The following HIF3A variants were observed in gnomAD, a reference collection of about 807,000 sequenced individuals.
HIF3A encodes hypoxia inducible factor 3 subunit alpha, also known as hypoxia-inducible factor 3-alpha.
HIF3A carries 41 observed loss-of-function variants against 67.2 expected under a neutral mutation model. The ratio of observed to expected loss-of-function variants is 0.61; its 90% CI spans 0.48 to 0.79. The LOEUF is 0.79. Among genes scored for constraint, HIF3A ranks in the 30% least tolerant of loss-of-function variants. HIF3A has a pLI of 0.00. For missense variants in HIF3A, 855 were observed against 898.0 expected (o/e 0.95, Z 0.61); for synonymous variants, 356 against 374.8 (o/e 0.95, Z 0.58).
intron 1 of HIF3A, chr19:46,303,502 G>A: frequency 1.1e-6 from 1 of 888,420 alleles, no homozygotes; most frequent in Non-Finnish European, 1.7e-6. Flanking sequence ...TCCTTCGTGG[G>A]CCCTCCCTCC....
At chr19:46,303,661 A>T (rs757705360) in intron 1 of HIF3A, 22 of 1,586,836 alleles carry the variant, frequency 1.4e-5, no homozygotes, top group Non-Finnish European at 1.9e-5. Context: ...GAGGCGCCAG[A>T]GGCACCATGG....
At position 46,331,208 on chromosome 19, in the gene HIF3A, G is replaced by A; in HGVS notation, c.1765G>A (p.Val589Met). The A allele has an allele frequency of 6.2e-7, 1 of 1,614,078 alleles. No homozygotes were observed. The highest frequency in any genetic ancestry group is 8.5e-7 in the Non-Finnish European group (1 of 1,179,984). The change falls in exon 13 of 15, where the codon GTG (valine) becomes ATG (methionine). Residue 589 changes from valine (V) to methionine (M), a missense_variant. Val to Met is a conservative substitution (Grantham distance 21). Coordinates refer to ENST00000377670, the MANE Select transcript of HIF3A (RefSeq NM_152795.4). ...GGACGAGGGAGTGGAGCTGCTGGGA[G>A]TGAGACCTCCCAAAAGGTCCCCCAG... ...DEDEGVELLG[V>M]RPPKRSPSPE...
At chr19:46,313,188 C>A in intron 8 of HIF3A, 1 of 611,520 alleles carries the variant, frequency 1.6e-6, no homozygotes, top group Non-Finnish European at 2.0e-6. Flanking sequence ...GTGGTGGAGG[C>A]TGCAGTGAGC....
intron 1 of HIF3A, chr19:46,303,663 G>C: frequency 6.3e-7 from 1 of 1,586,962 alleles, no homozygotes; most frequent in African/African-American, 1.3e-5. Flanking sequence ...GGCGCCAGAG[G>C]CACCATGGAC....
At chr19:46,335,934 G>A (rs1971575932) in intron 14 of HIF3A, among the ~76,000 whole-genome samples, 1 of 151,248 alleles carries the variant, frequency 6.6e-6, no homozygotes, top group South Asian at 2.1e-4. Flanking sequence ...CTAGTTACTT[G>A]GGAGGCTGAG....
At chr19:46,298,985 TG>T (rs1968098928) in intron 1 of HIF3A, among the ~76,000 whole-genome samples, 1 of 152,212 alleles carries the variant, frequency 6.6e-6, no homozygotes, top group South Asian at 2.1e-4. Context: ...GCCTTCCTCA[TG>T]GGTGGCAAAT....
At position 46,312,331 on chromosome 19, in the gene HIF3A, C is replaced by T. The variant is rs762500270; in HGVS notation, c.877+64C>T. ...ACATGGCCCCCAGCTGACACCAGGA[C>T]CCCCCAGCTCCCCATACCCCAGGAT... is the stretch of plus-strand genomic sequence containing the variant. On this transcript the variant is annotated intron_variant, in intron 7 of 14. Coordinates refer to ENST00000377670, the MANE Select transcript of HIF3A (RefSeq NM_152795.4). 5.6e-6 allele frequency: 9 copies of T among 1,611,248 alleles called. No homozygotes were observed. In the South Asian group the frequency reaches 6.6e-5, roughly 12 times the overall value.
At chr19:46,337,173 C>G (rs528430303) in intron 14 of HIF3A, among the ~76,000 whole-genome samples, 1 of 151,874 alleles carries the variant, frequency 6.6e-6, no homozygotes, top group African/African-American at 2.4e-5. Flanking sequence ...TGAGTCCTGA[C>G]GATATCGGGG....
In HIF3A at chr19:46,324,302, G is replaced by C. The variant is rs193094631; in HGVS notation, c.1336-1233G>C. ...ACTCAGTAGGGGCCTGGCACCTATC[G>C]GTGCTCAACAGATCATACCAGTTAC... On this transcript the variant is annotated intron_variant, in intron 10 of 14. Coordinates refer to ENST00000377670, the MANE Select transcript of HIF3A (RefSeq NM_152795.4). Among the ~76,000 whole-genome samples, 13 of 152,204 alleles carry C rather than the reference G, an allele frequency of 8.5e-5. No homozygotes were observed. In the East Asian group the frequency reaches 2.1e-3, roughly 25 times the overall value.
intron 1 of HIF3A, among the ~76,000 whole-genome samples, chr19:46,302,107 T>C (rs1467576904): frequency 1.3e-5 from 2 of 151,834 alleles, no homozygotes; most frequent in African/African-American, 4.9e-5. Flanking sequence ...TTTTTGTTAA[T>C]TTGTTTTTTG....
At chr19:46,330,255 T>C (rs1353905232) in intron 12 of HIF3A, among the ~76,000 whole-genome samples, 2 of 152,188 alleles carry the variant, frequency 1.3e-5, no homozygotes, top group Admixed American at 6.5e-5. Context: ...TTAATGAATA[T>C]AGTTGGCACT....
At chr19:46,316,004 G>A (rs540896522) in intron 8 of HIF3A, among the ~76,000 whole-genome samples, 1 of 152,258 alleles carries the variant, frequency 6.6e-6, no homozygotes, top group African/African-American at 2.4e-5. Context: ...TCCAAGGTGG[G>A]TGGATCACCT....
intron 8 of HIF3A, among the ~76,000 whole-genome samples, chr19:46,320,004 T>C (rs1601298046): frequency 6.6e-6 from 1 of 152,086 alleles, no homozygotes; most frequent in South Asian, 2.1e-4. Flanking sequence ...CTGAGGCAGG[T>C]GGATCACCTG....
At chr19:46,300,349 G>A (rs760288167) in intron 1 of HIF3A, among the ~76,000 whole-genome samples, 3 of 152,090 alleles carry the variant, frequency 2.0e-5, no homozygotes, top group Non-Finnish European at 4.4e-5. Context: ...TCTCTGATAC[G>A]CACAGAGGGA....
chr19:46,312,532 G>A lies in HIF3A; in HGVS notation c.904G>A (p.Gly302Arg), dbSNP rs1263218475. The change falls in exon 8 of 15, where the codon GGG (glycine) becomes AGG (arginine). Residue 302 changes from glycine (G) to arginine (R), a missense_variant. Around this residue, in one of 3 missense-constraint regions of HIF3A, gnomAD observed 638 missense variants for 660.5 expected, o/e 0.97. Coordinates refer to ENST00000377670, the MANE Select transcript of HIF3A (RefSeq NM_152795.4). ...TLLSKGQAVT[G>R]QYRFLARSGG... ...GCTGAGCAAGGGCCAGGCAGTAACA[G>A]GGCAGTATCGCTTCCTGGCCCGGAG... 6.2e-7 allele frequency: 1 copy of A among 1,614,040 alleles called. No homozygotes were observed. Among genetic ancestry groups the A allele is most frequent in the Admixed American group, 1.7e-5 (1 of 59,994 alleles).
chr19:46,303,602 T>C lies in HIF3A; in HGVS notation c.27-296T>C, dbSNP rs1968521592. On this transcript the variant is annotated intron_variant, in intron 1 of 14. Transcript: ENST00000377670. Reference sequence around the variant, plus strand: ...CCTAGCCTGGGAAATAAACTGCAGATAAGTCAGGGAGGGGACAGAGCGGCC... The same window carrying C: ...CCTAGCCTGGGAAATAAACTGCAGACAAGTCAGGGAGGGGACAGAGCGGCC... 23 of 1,553,924 alleles carry C rather than the reference T, an allele frequency of 1.5e-5. No individual in the cohort carries two copies. The South Asian group carries it at 2.4e-4, about 16-fold the overall frequency.
At chr19:46,318,548 CAAAAA>C (rs908312286) in intron 8 of HIF3A, among the ~76,000 whole-genome samples, 229 of 54,082 alleles carry the variant, frequency 4.2e-3, no homozygotes, top group Middle Eastern at 0.011. Context: ...GATCCTGTCT[CAAAAA>C]AAAAAAAAAA....
At chr19:46,325,992 C>T (rs1970754321) in intron 11 of HIF3A, among the ~76,000 whole-genome samples, 1 of 152,216 alleles carries the variant, frequency 6.6e-6, no homozygotes, top group Admixed American at 6.5e-5. Flanking sequence ...AAAAACTTAA[C>T]ACCTTAAAAC....
intron 8 of HIF3A, among the ~76,000 whole-genome samples, chr19:46,315,966 C>T (rs1014895096): frequency 8.9e-5 from 13 of 146,830 alleles, no homozygotes; most frequent in African/African-American, 2.5e-4. Flanking sequence ...TGCGGTGGCT[C>T]ATGCCTGTAA....
Sources: allele counts gnomAD v4.1 joint callset (sites outside exome capture counted in the v4.1 genomes callset), GRCh38; gene constraint gnomAD v4.1.1; regional missense constraint gnomAD v4.1.1; transcripts MANE v1.5; gene names NCBI Gene and HGNC (gene_info 2026-07-23, HGNC 2026-07-21).